USP36: variants seen among roughly 807,000 people sequenced by gnomAD.
USP36 encodes the protein ubiquitin specific peptidase 36.
Under a neutral mutation model 111.5 loss-of-function variants are expected in USP36, and 59 were observed. The observed-to-expected ratio is 0.53, with a 90% CI of 0.43 to 0.66. USP36 has a LOEUF of 0.66. Among genes scored for constraint, USP36 ranks in the 30% least tolerant of loss-of-function variants. USP36 has a pLI of 0.00. For synonymous variants in USP36, 628 were observed against 581.0 expected, an observed-to-expected ratio of 1.08 and a Z score of -1.16; for missense variants, 1,488 against 1,468.0, an observed-to-expected ratio of 1.01 and a Z score of -0.22.
At chr17:78,835,961 C>G (rs2068626435) in intron 3 of USP36, 150 bp downstream of exon 3, 1 of 1,126,016 alleles carries the variant, frequency 8.9e-7, no homozygotes, top group African/African-American at 1.6e-5. Context: ...ATCATTACTT[C>G]TATAACTGAA....
rs992345103 is a variant in USP36 at position 78,835,438 on chromosome 17, G to C, written c.317C>G (p.Pro106Arg). The part of the protein sequence containing the change: ...GVPAPQKVLF[P>R]TERLSLRWER... ...CCACCTCAGAGACAGTCGCTCCGTG[G>C]GGAAAAGCACTTTCTGCGGGGCTGG... is the stretch of plus-strand genomic sequence containing the variant. The change falls in exon 4 of 21, where the codon CCC becomes CGC. Residue 106 changes from proline (P) to arginine (R), a missense_variant. Coordinates refer to ENST00000449938, the MANE Select transcript of USP36 (RefSeq NM_001385174.1). 1 of 1,614,014 alleles carries C rather than the reference G, an allele frequency of 6.2e-7. No individual in the cohort carries two copies. The highest frequency in any genetic ancestry group is 1.7e-5 in the Admixed American group (1 of 59,982).
At chr17:78,824,422 A>T (rs1237320512) in intron 6 of USP36, among the ~76,000 whole-genome samples, 2 of 152,178 alleles carry the variant, frequency 1.3e-5, no homozygotes, top group Admixed American at 1.3e-4. Context: ...GGCAGCATGG[A>T]GCGTGCCTGC....
chr17:78,802,495 C>T lies in USP36; in HGVS notation c.2851G>A (p.Glu951Lys). The T allele has an allele frequency of 1.2e-6, 2 of 1,608,624 alleles. No homozygotes were observed. Among genetic ancestry groups the T allele is most frequent in the South Asian group, 2.2e-5 (2 of 90,944 alleles). The stretch of plus-strand genomic sequence containing the variant: ...TTCTTTTTCTTTTTCCTTGGAGACT[C>T]TTCCATGGCCTCTGGATCACCATCA... ...MGDGDPEAME[E>K]SPRKKKKKKR... The change falls in exon 17 of 21, where the codon GAG becomes AAG. Residue 951 changes from glutamate to lysine, a missense_variant. Transcript: ENST00000449938.
At position 78,803,728 on chromosome 17, in the gene USP36, G is replaced by C; in HGVS notation, c.2467C>G (p.Leu823Val). The C allele has an allele frequency of 6.2e-7, 1 of 1,612,110 alleles. No homozygotes were observed. Among genetic ancestry groups the C allele is most frequent in the Non-Finnish European group, 8.5e-7 (1 of 1,179,900 alleles). ...TGTGGGAGGCGCGTCTCTGAGCCCAGCCTCTGCGGCTCTCCCACAAAGGTC... is the reference window on the plus strand; with the variant it reads ...TGTGGGAGGCGCGTCTCTGAGCCCACCCTCTGCGGCTCTCCCACAAAGGTC... ...KKTFVGEPQR[L>V]GSETRLPQHI... Residue 823 changes from leucine (L) to valine (V), a missense_variant, in exon 16 of 21, where the codon CTG becomes GTG. By Grantham distance (32) the Leu-to-Val change is conservative (BLOSUM62 1). Coordinates refer to ENST00000449938, the MANE Select transcript of USP36 (RefSeq NM_001385174.1). The surrounding 1 kb of genome is among the most constrained non-coding windows in gnomAD (Gnocchi z 4.6).
rs1260170482 is a variant in USP36, at chr17:78,807,236, G to A, written c.1808C>T (p.Ala603Val). 1 of 1,614,130 alleles carries A rather than the reference G, an allele frequency of 6.2e-7. No homozygotes were observed. The highest frequency in any genetic ancestry group is 8.5e-7 in the Non-Finnish European group (1 of 1,180,004). ...GCTGGAGCCCCTCCTGTCGAGGCCAGCGCTCTCGTCGTTCCCCTTCAGCCC... is the reference window on the plus strand; with the variant it reads ...GCTGGAGCCCCTCCTGTCGAGGCCAACGCTCTCGTCGTTCCCCTTCAGCCC... The part of the protein sequence containing the change: ...GHGLKGNDES[A>V]GLDRRGSSSS... Residue 603 changes from alanine to valine, a missense_variant, in exon 14 of 21, where the codon GCT becomes GTT. Ala to Val is a moderately conservative substitution (Grantham distance 64). Transcript: ENST00000449938.
intron 13 of USP36, among the ~76,000 whole-genome samples, chr17:78,808,680 G>T (rs970720134): frequency 1.3e-5 from 2 of 152,128 alleles, no homozygotes; most frequent in African/African-American, 4.8e-5. Flanking sequence ...GTATATGTGT[G>T]TGTATCCTTT....
rs550911300 is a variant in USP36, at chr17:78,803,784, G to T, written c.2411C>A (p.Pro804His). Reference protein sequence around the residue: ...LPHQLPEASEPPQSPSEKRKK... With the variant: ...LPHQLPEASEHPQSPSEKRKK... ...CCTCTTCTCAGAGGGGCTCTGGGGG[G>T]GCTCACTGGCCTCTGGCAACTGGTG... Residue 804 changes from proline to histidine, a missense_variant, in exon 16 of 21, where the codon CCC becomes CAC. By Grantham distance (77) the Pro-to-His change is moderately conservative. Around this residue, in one of 3 missense-constraint regions of USP36, gnomAD observed 1,073 missense variants for 994.1 expected, o/e 1.08. Coordinates refer to ENST00000449938, the MANE Select transcript of USP36 (RefSeq NM_001385174.1). This position sits in a 1 kb window ranked among gnomAD's most constrained non-coding sequence, Gnocchi z 4.6. 5.9e-5 allele frequency: 95 copies of T among 1,612,724 alleles called. No homozygotes were observed. Among genetic ancestry groups the T allele is most frequent in the South Asian group, 3.1e-4 (28 of 91,064 alleles).
At chr17:78,806,038 G>A in intron 15 of USP36, 118 bp downstream of exon 15, 1 of 1,541,586 alleles carries the variant, frequency 6.5e-7, no homozygotes, top group African/African-American at 1.4e-5. Flanking sequence ...CCTCCTGGCT[G>A]CCCCAATGCT....
intron 2 of USP36, among the ~76,000 whole-genome samples, chr17:78,838,236 G>C (rs2145686011): frequency 6.6e-6 from 1 of 152,084 alleles, no homozygotes; most frequent in South Asian, 2.1e-4. Flanking sequence ...AGCCAGGCAT[G>C]GTGGCAGGCG....
chr17:78,830,303 G>T (rs1212594762), intron 4 of USP36, among the ~76,000 whole-genome samples: 1 of 152,132 alleles, frequency 6.6e-6, no homozygotes, highest in African/African-American at 2.4e-5. Flanking sequence ...TTCAGCAATG[G>T]CTTTACAAAA....
chr17:78,836,108 T>C lies in USP36; in HGVS notation c.253+3A>G. 1.2e-6 allele frequency: 2 copies of C among 1,613,044 alleles called. No homozygotes were observed. Among genetic ancestry groups the C allele is most frequent in the Non-Finnish European group, 1.7e-6 (2 of 1,180,018 alleles). On this transcript the variant is annotated splice_donor_region_variant and intron_variant, in intron 3 of 20. Transcript: ENST00000449938. ...TCTCTGCCAGCACACTGCACATCTG[T>C]ACCCTGTCTCCTGGCCGGTGGGTCA...
chr17:78,819,906 T>G, intron 9 of USP36, 24 bp downstream of exon 9: 16 of 1,612,308 alleles, frequency 9.9e-6, no homozygotes, highest in Non-Finnish European at 1.3e-5. Context: ...ATCAGTCTTC[T>G]GCCACAAGCA....
chr17:78,790,606 C>T (rs868727314), intron 3 of USP36, among the ~76,000 whole-genome samples: 1 of 151,912 alleles, frequency 6.6e-6, no homozygotes, highest in Non-Finnish European at 1.5e-5. Context: ...TGGCTGGTCT[C>T]GACATCTTGG....
chr17:78,831,049 ACC>A (rs1447137737), intron 4 of USP36, among the ~76,000 whole-genome samples: 1 of 150,804 alleles, frequency 6.6e-6, no homozygotes, highest in South Asian at 2.1e-4. Flanking sequence ...ACACAGTGAA[ACC>A]CCGTCTCTAC....
In USP36 at chr17:78,806,138, T is replaced by C. The variant is rs773615965; in HGVS notation, c.2216+18A>G. ...GGAGAACCAGTTGGCACCCAGAAGA[T>C]CCCGGCCCAAAGCTTACCTGGCTCT... is the stretch of plus-strand genomic sequence containing the variant. On this transcript the variant is annotated intron_variant, in intron 15 of 20. Coordinates refer to ENST00000449938, the MANE Select transcript of USP36 (RefSeq NM_001385174.1). 6.2e-7 allele frequency: 1 copy of C among 1,612,326 alleles called. No individual in the cohort carries two copies. Among genetic ancestry groups the C allele is most frequent in the Non-Finnish European group, 8.5e-7 (1 of 1,179,666 alleles).
At chr17:78,814,811 A>G (rs1325895992) in intron 10 of USP36, among the ~76,000 whole-genome samples, 1 of 152,140 alleles carries the variant, frequency 6.6e-6, no homozygotes, top group East Asian at 1.9e-4. Flanking sequence ...TTAGCTGGGC[A>G]TGGTGGTGCA....
intron 7 of USP36, among the ~76,000 whole-genome samples, chr17:78,821,665 T>C (rs1277612705): frequency 1.3e-5 from 2 of 151,966 alleles, no homozygotes; most frequent in Non-Finnish European, 2.9e-5. Flanking sequence ...CTCGAACTCC[T>C]GACCTCAGGT....
rs555736179 is a variant in USP36 at position 78,830,241 on chromosome 17, T to C, written c.476-1234A>G. On this transcript the variant is annotated intron_variant, in intron 4 of 20. Coordinates refer to ENST00000449938, the MANE Select transcript of USP36 (RefSeq NM_001385174.1). The stretch of plus-strand genomic sequence containing the variant: ...CATGAACAATAAATGGCACTGTAGC[T>C]ACATGTTTCCAAACTTCCTTTCTAT... Among the ~76,000 whole-genome samples, 19 of 152,346 alleles carry C rather than the reference T, an allele frequency of 1.2e-4. No individual in the cohort carries two copies. In the South Asian group the frequency reaches 3.9e-3, roughly 32 times the overall value.
At chr17:78,821,399 TATATATATATATATA>T (rs2094318160) in intron 7 of USP36, 1 of 51,916 alleles carries the variant, frequency 1.9e-5, no homozygotes, top group African/African-American at 9.9e-5. Flanking sequence ...TATATATATA[TATATATATATATATA>T]TATATATTTT....
Sources: allele counts gnomAD v4.1 joint callset (sites outside exome capture counted in the v4.1 genomes callset), GRCh38; gene constraint gnomAD v4.1.1; regional missense constraint gnomAD v4.1.1; non-coding constraint Gnocchi (gnomAD v3.1); transcripts MANE v1.5; gene names NCBI Gene and HGNC (gene_info 2026-07-23, HGNC 2026-07-21).